ARL17A: variants seen among roughly 807,000 people sequenced by gnomAD.
The protein encoded by ARL17A is ARF like GTPase 17A.
rs1271648079 is a variant in ARL17A at position 46,555,894 on chromosome 17, TG to T, written c.*1461del. 1 of 120,316 alleles carries T rather than the reference TG, an allele frequency of 8.3e-6. No individual in the cohort carries two copies. The allele number at this position is 120,316 out of a possible 1,614,324, so 7.5% of individuals were successfully genotyped here. ...TTCCTCAAAGGGGGGGCTCCTAGAC[TG>T]GGGGGAGGGCTGGACATCTGAATAC... On this transcript the variant is annotated 3_prime_UTR_variant, in exon 4 of 4. Transcript: ENST00000336125.
chr17:46,528,747 A>T (rs1315473688), exon 5 of ARL17A: 7 of 670,076 alleles, frequency 1.0e-5, no homozygotes, highest in Non-Finnish European at 1.9e-5. Context: ...AAAAAGGAAA[A>T]AGGCTCACCA....
At chr17:46,548,653 A>C (rs201014408), downstream of ARL17A, 3,065 of 1,605,706 alleles carry the variant, frequency 1.9e-3, 17 homozygotes, top group Middle Eastern at 8.8e-3. Context: ...CATGGGCCCA[A>C]GGAGCATCCA....
downstream of ARL17A, among the ~76,000 whole-genome samples, chr17:46,528,455 T>C (rs2053101101): frequency 2.3e-5 from 1 of 44,202 alleles, no homozygotes; most frequent in Non-Finnish European, 4.3e-5. Flanking sequence ...GCATGGTGTC[T>C]CATGCTGTAA....
At chr17:46,559,309 T>TA in intron 3 of ARL17A, 1 of 3,838 alleles carries the variant, frequency 2.6e-4, no homozygotes, top group African/African-American at 2.9e-3. Flanking sequence ...GCCGAGGCTT[T>TA]AGAGGATGGC....
At chr17:46,528,031 TCTTA>T (rs1377673434), downstream of ARL17A, among the ~76,000 whole-genome samples, 1 of 127,306 alleles carries the variant, frequency 7.9e-6, no homozygotes, top group Non-Finnish European at 1.7e-5. Flanking sequence ...GTGCATTGTA[TCTTA>T]CTTTCTAACT....
chr17:46,539,538 A>G (rs1251358991), intron 3 of ARL17A, among the ~76,000 whole-genome samples: 1 of 150,620 alleles, frequency 6.6e-6, no homozygotes, highest in Admixed American at 6.6e-5. Flanking sequence ...TGAGGCAGGT[A>G]GATCACCTGA....
At chr17:46,551,321 G>A (rs1228561146), downstream of ARL17A, among the ~76,000 whole-genome samples, 3 of 150,304 alleles carry the variant, frequency 2.0e-5, no homozygotes, top group East Asian at 1.9e-4. Context: ...ACAGGCCAGT[G>A]CTAGCATATT....
At chr17:46,543,481 G>A (rs1237453363) in intron 3 of ARL17A, among the ~76,000 whole-genome samples, 3 of 150,960 alleles carry the variant, frequency 2.0e-5, no homozygotes, top group Admixed American at 6.6e-5. Flanking sequence ...TGGGACAATT[G>A]TGAAAATGTG....
At chr17:46,516,075 C>T (rs1382449080), downstream of ARL17A, among the ~76,000 whole-genome samples, 263 of 140,468 alleles carry the variant, frequency 1.9e-3, 4 homozygotes, top group African/African-American at 6.8e-3. Context: ...CCGAGGCGGG[C>T]GGATCATGAG....
chr17:46,511,703 A>AT (rs1486639283), downstream of ARL17A: 1 of 58,080 alleles, frequency 1.7e-5, no homozygotes, highest in East Asian at 2.8e-4. Flanking sequence ...GACCTCAGTG[A>AT]TCCCCCCACC....
chr17:46,555,644 AAATG>A lies in ARL17A; in HGVS notation c.*1708_*1711del. ...CATAGAATAAACAACAACAGTTACT[AAATG>A]AATGAAAATTGTGATTCCGATGAAG... On this transcript the variant is annotated 3_prime_UTR_variant, in exon 4 of 4. Transcript: ENST00000336125. 1.7e-6 allele frequency: 1 copy of A among 588,018 alleles called. No homozygotes were observed. The highest frequency in any genetic ancestry group is 2.4e-6 in the Non-Finnish European group (1 of 408,324). 36.4% of individuals were successfully genotyped at this position (588,018 alleles called of 1,614,324 possible).
chr17:46,534,644 A>C (rs2054304720), intron 4 of ARL17A, among the ~76,000 whole-genome samples: 7 of 148,420 alleles, frequency 4.7e-5, no homozygotes, highest in Admixed American at 4.6e-4. Context: ...TTTTCCCCAC[A>C]TTTCCCCCTT....
At chr17:46,549,393 C>G (rs1598524706), downstream of ARL17A, 4 of 1,060,824 alleles carry the variant, frequency 3.8e-6, no homozygotes, top group East Asian at 7.2e-5. Flanking sequence ...AAAACACAAA[C>G]TACAATCATC....
At chr17:46,569,453 T>C (rs1337731910) in intron 3 of ARL17A, among the ~76,000 whole-genome samples, 1 of 149,488 alleles carries the variant, frequency 6.7e-6, no homozygotes, top group Non-Finnish European at 1.5e-5. Context: ...CTGTTGAGGC[T>C]TGGTGATGGG....
At chr17:46,502,580 G>T in the ARL17A span, among the ~76,000 whole-genome samples, 1 of 151,198 alleles carries the variant, frequency 6.6e-6, no homozygotes, top group East Asian at 1.9e-4. Context: ...GGGATTACAG[G>T]CATGAGCCAC....
intron 3 of ARL17A, among the ~76,000 whole-genome samples, chr17:46,543,819 G>C (rs946428827): frequency 1.3e-5 from 2 of 150,724 alleles, no homozygotes; most frequent in African/African-American, 5.0e-5. Context: ...TAAAAACTTG[G>C]GGGCAGAAAA....
At chr17:46,540,401 GA>G (rs1378760788) in intron 3 of ARL17A, among the ~76,000 whole-genome samples, 1 of 116,230 alleles carries the variant, frequency 8.6e-6, no homozygotes, top group Non-Finnish European at 1.7e-5. Flanking sequence ...AAAAAACTAA[GA>G]GGATGTATAA....
At chr17:46,542,224 TTTTG>T (rs2055457673) in intron 3 of ARL17A, among the ~76,000 whole-genome samples, 1 of 141,146 alleles carries the variant, frequency 7.1e-6, no homozygotes, top group Non-Finnish European at 1.5e-5. Context: ...GCTTGTGATT[TTTTG>T]TTTCTTACCT....
exon 4 of ARL17A, chr17:46,517,202 G>C (rs1432323346): frequency 1.2e-6 from 1 of 801,762 alleles, no homozygotes; most frequent in African/African-American, 1.7e-5. Context: ...ATAATTTCTT[G>C]ATGAATTGTG....
Sources: allele counts gnomAD v4.1 joint callset (sites outside exome capture counted in the v4.1 genomes callset), GRCh38; gene constraint gnomAD v4.1.1; transcripts MANE v1.5; gene names NCBI Gene and HGNC (gene_info 2026-07-23, HGNC 2026-07-21).